The following NTRK1 variants were observed in gnomAD, a reference collection of about 807,000 sequenced individuals.
The protein encoded by NTRK1 is neurotrophic receptor tyrosine kinase 1, also known as high affinity nerve growth factor receptor.
In NTRK1, 62 loss-of-function variants were observed where a neutral mutation model predicts 86.8. The ratio of observed to expected loss-of-function variants is 0.71; its 90% CI spans 0.58 to 0.88. The LOEUF is 0.88. NTRK1 is among the 40% of genes least tolerant of loss of function. The probability of loss-of-function intolerance (pLI) is 0.00; values close to 1 mark genes in which losing one functional copy is unlikely to be tolerated. For missense variants in NTRK1, 967 were observed against 1,078.4 expected (o/e 0.90, Z 1.45); for synonymous variants, 469 against 456.6 (o/e 1.03, Z -0.35).
At chr1:156,843,326 T>C in intron 2 of NTRK1, 1 of 1,566,556 alleles carries the variant, frequency 6.4e-7, no homozygotes, top group Non-Finnish European at 8.8e-7. Flanking sequence ...AGGGCTCTTG[T>C]CCCAAGGCTA....
At chr1:156,849,301 T>C in intron 2 of NTRK1, 1 of 1,613,938 alleles carries the variant, frequency 6.2e-7, no homozygotes, top group African/African-American at 1.3e-5. Flanking sequence ...TCTGCCGACC[T>C]CGCGTGCCTG....
intron 1 of NTRK1, chr1:156,837,780 C>T (rs943689126): frequency 3.3e-5 from 5 of 152,222 alleles, no homozygotes; most frequent in African/African-American, 1.2e-4. Context: ...AGGGGAGGAG[C>T]TTCCACAGTG....
chr1:156,830,630 C>T (rs1409698867), intron 1 of NTRK1, among the ~76,000 whole-genome samples: 1 of 146,884 alleles, frequency 6.8e-6, no homozygotes, highest in Non-Finnish European at 1.5e-5. Context: ...GATCTCTGCT[C>T]ACTGCAACCT....
At chr1:156,835,080 G>A (rs904244129) in intron 1 of NTRK1, among the ~76,000 whole-genome samples, 7 of 152,150 alleles carry the variant, frequency 4.6e-5, no homozygotes, top group African/African-American at 1.4e-4. Flanking sequence ...GGAGGGGAAG[G>A]TGCCCTCACT....
intron 2 of NTRK1, chr1:156,842,594 A>G: frequency 5.2e-6 from 5 of 970,238 alleles, no homozygotes; most frequent in Non-Finnish European, 8.2e-6. Flanking sequence ...CCACAGTCTG[A>G]CTCAGACACC....
At chr1:156,833,327 C>T (rs539228257) in intron 1 of NTRK1, among the ~76,000 whole-genome samples, 3 of 152,136 alleles carry the variant, frequency 2.0e-5, no homozygotes, top group Middle Eastern at 3.2e-3. Context: ...GAGGCCGAGG[C>T]GGGCAGATCA....
intron 14 of NTRK1, among the ~76,000 whole-genome samples, chr1:156,878,210 G>A (rs1317659009): frequency 6.6e-6 from 1 of 152,114 alleles, no homozygotes; most frequent in Non-Finnish European, 1.5e-5. Flanking sequence ...CCTCTGCCTG[G>A]GGCATTGGGC....
At chr1:156,833,552 C>T (rs1309819776) in intron 1 of NTRK1, among the ~76,000 whole-genome samples, 4 of 119,234 alleles carry the variant, frequency 3.4e-5, no homozygotes, top group Non-Finnish European at 5.7e-5. Context: ...AGCGAGACTC[C>T]GTCTCAAAAA....
intron 6 of NTRK1, among the ~76,000 whole-genome samples, chr1:156,869,314 G>A (rs753194241): frequency 1.1e-4 from 17 of 152,112 alleles, no homozygotes; most frequent in African/African-American, 2.7e-4. Context: ...TCCTGACCTC[G>A]TGATCCACCC....
upstream of NTRK1, among the ~76,000 whole-genome samples, chr1:156,859,435 G>A (rs1175893602): frequency 6.6e-6 from 1 of 152,152 alleles, no homozygotes; most frequent in East Asian, 1.9e-4. The surrounding 1 kb of genome is among the most constrained non-coding windows in gnomAD (Gnocchi z 6.2). Flanking sequence ...TCTGGGGAGC[G>A]CTGTGTCTAG....
At chr1:156,820,907 C>G (rs1654170766) in intron 1 of NTRK1, among the ~76,000 whole-genome samples, 1 of 152,152 alleles carries the variant, frequency 6.6e-6, no homozygotes, top group Non-Finnish European at 1.5e-5. Flanking sequence ...TGATTCTTAC[C>G]ATCCATGAGG....
chr1:156,875,376 C>A (rs1163463972), intron 11 of NTRK1, 144 bp from the exon 12 acceptor site: 1 of 1,118,262 alleles, frequency 8.9e-7, no homozygotes, highest in East Asian at 2.3e-5. Flanking sequence ...GTGCCCCCTT[C>A]CCCCTGCCTG....
At chr1:156,847,857 G>T (rs914167722) in intron 2 of NTRK1, among the ~76,000 whole-genome samples, 5 of 152,134 alleles carry the variant, frequency 3.3e-5, no homozygotes, top group Non-Finnish European at 5.9e-5. Context: ...GGTTCCCAAG[G>T]TTCTCTGCTC....
At chr1:156,842,225 A>T in intron 2 of NTRK1, 7 of 1,613,904 alleles carry the variant, frequency 4.3e-6, no homozygotes, top group Non-Finnish European at 5.9e-6. Flanking sequence ...CTCACCAGCC[A>T]TTTGGATCAT....
At chr1:156,867,708 A>G (rs963780524) in intron 4 of NTRK1, among the ~76,000 whole-genome samples, 40 of 147,522 alleles carry the variant, frequency 2.7e-4, no homozygotes, top group African/African-American at 9.1e-4. Flanking sequence ...TCGCTCTGTC[A>G]CCCAGGCTGG....
exon 1 of NTRK1, chr1:156,815,828 G>A (rs1255767837): frequency 1.7e-5 from 27 of 1,614,136 alleles, no homozygotes; most frequent in East Asian, 2.2e-5. Flanking sequence ...GCAACTCGGC[G>A]CATGAAGGAG....
At position 156,840,997 on chromosome 1, in the gene NTRK1, A is replaced by T. The variant is rs141650660; in HGVS notation, c.-63-1084A>T. On this transcript the variant is annotated intron_variant, in intron 1 of 16. Coordinates refer to the NTRK1 transcript ENST00000392302. ...GCATTCCGGGCTGTAGTAGAAGGAG[A>T]GGAGGCGGAAGGAGGGCCGCAGCTC... 144 of 1,612,096 alleles carry T rather than the reference A, an allele frequency of 8.9e-5. 1 individual carries two copies. In the African/African-American group the frequency reaches 1.8e-3, roughly 20 times the overall value.
In NTRK1 at chr1:156,869,092, T is replaced by A. The variant is rs1647389995; in HGVS notation, c.717+445T>A. Among the ~76,000 whole-genome samples, 4 of 125,564 alleles carry A rather than the reference T, an allele frequency of 3.2e-5. No homozygotes were observed. In the Middle Eastern group the frequency reaches 0.012, roughly 374 times the overall value. 82.4% of individuals were successfully genotyped at this position (125,564 alleles called of 152,430 possible). ...CCTTCCTTCCTTCCTTCCTTCCTTT[T>A]ATGGAGTTTCGCTCTGTTGCCCAGG... On this transcript the variant is annotated intron_variant, in intron 6 of 16. Coordinates refer to ENST00000524377, the MANE Select transcript of NTRK1 (RefSeq NM_002529.4).
intron 2 of NTRK1, among the ~76,000 whole-genome samples, chr1:156,855,814 G>T (rs1240717905): frequency 2.0e-5 from 3 of 152,202 alleles, no homozygotes; most frequent in Non-Finnish European, 4.4e-5. Flanking sequence ...GACAGAGTGA[G>T]ACCCTGTCTA....
Sources: gnomAD v4.1 joint callset for allele counts (sites outside exome capture counted in the v4.1 genomes callset) on GRCh38, gnomAD v4.1.1 for gene constraint, Gnocchi (gnomAD v3.1) non-coding constraint, MANE v1.5 for transcripts, NCBI Gene and HGNC (gene_info 2026-07-23, HGNC 2026-07-21) for gene names.